Variants in ERAP2 observed in about 807,000 individuals in gnomAD.
ERAP2 encodes leukocyte-derived arginine aminopeptidase.
ERAP2 carries 118 observed loss-of-function variants against 111.1 expected under a neutral mutation model. That is an observed-to-expected ratio of 1.06 (90% CI 0.92 to 1.24). The LOEUF (loss-of-function observed/expected upper bound fraction) is 1.24, where lower values mean the gene tolerates loss of function less well. Among genes scored for constraint, ERAP2 ranks in the 50% most tolerant of loss-of-function variants. The pLI, the probability that ERAP2 is intolerant of heterozygous loss-of-function variation, is 0.00. For missense variants in ERAP2, 1,131 were observed against 1,125.8 expected, an observed-to-expected ratio of 1.00 and a Z score of -0.07; for synonymous variants, 410 against 401.2, an observed-to-expected ratio of 1.02 and a Z score of -0.26.
At chr5:96,898,829 A>T (rs3849749) in intron 9 of ERAP2, among the ~76,000 whole-genome samples, 94,812 of 152,000 alleles carry the variant, frequency 0.62, 29,722 homozygotes, top group Middle Eastern at 0.74. Context: ...GTCCAGACAC[A>T]CTTTCTCCAT....
chr5:96,905,585 A>G (rs1405688483), intron 13 of ERAP2, among the ~76,000 whole-genome samples: 2 of 152,164 alleles, frequency 1.3e-5, no homozygotes, highest in East Asian at 1.9e-4. Flanking sequence ...TGAAACTTCA[A>G]TTTAAGAATT....
rs770041153 is a variant in ERAP2, at chr5:96,913,312, T to G, written c.2517-5T>G. On this transcript the variant is annotated splice_polypyrimidine_tract_variant and splice_region_variant and intron_variant, in intron 16 of 18. Coordinates refer to ENST00000437043, the MANE Select transcript of ERAP2 (RefSeq NM_022350.5). The stretch of plus-strand genomic sequence containing the variant: ...TTTAGAAACAAATTATTTTTCTTTC[T>G]TCAGGTTAATTGAACTAGGAATGGA... The G allele has an allele frequency of 3.1e-6, 5 of 1,612,696 alleles. No individual in the cohort carries two copies. The highest frequency in any genetic ancestry group is 4.2e-6 in the Non-Finnish European group (5 of 1,179,122).
rs749294757 is a variant in ERAP2 at position 96,909,061 on chromosome 5, T to C, written c.2113T>C (p.Ser705Pro). The C allele has an allele frequency of 6.2e-7, 1 of 1,614,208 alleles. No homozygotes were observed. ...TCTCGAAGGTCTGAGTTACTTGGAA[T>C]CGTTTTACCACATGATGGACAGAAG... ...ALLEGLSYLESFYHMMDRRNI... is the reference protein window; with the variant it reads ...ALLEGLSYLEPFYHMMDRRNI... Residue 705 changes from serine to proline, a missense_variant, in exon 14 of 19, where the codon TCG becomes CCG. Ser to Pro is a moderately conservative substitution (Grantham distance 74). Around this residue, in one of 3 missense-constraint regions of ERAP2, gnomAD observed 847 missense variants for 856.5 expected, o/e 0.99. Transcript: ENST00000437043.
At chr5:96,895,924 G>A (rs1410556458) in intron 7 of ERAP2, among the ~76,000 whole-genome samples, 1 of 152,156 alleles carries the variant, frequency 6.6e-6, no homozygotes, top group East Asian at 1.9e-4. Flanking sequence ...GACAGACATG[G>A]ATTCAAAGTT....
intron 2 of ERAP2, 97 bp downstream of exon 2, chr5:96,880,357 A>G (rs1783003132): frequency 9.0e-7 from 1 of 1,107,460 alleles, no homozygotes; most frequent in African/African-American, 1.6e-5. Flanking sequence ...CATTTATGAG[A>G]AATCCAGTGA....
At chr5:96,882,850 T>C (rs1783293860) in intron 2 of ERAP2, among the ~76,000 whole-genome samples, 1 of 152,190 alleles carries the variant, frequency 6.6e-6, no homozygotes, top group Admixed American at 6.5e-5. Context: ...TTCTCTTTTT[T>C]CCCTCCTGAC....
intron 1 of ERAP2, among the ~76,000 whole-genome samples, chr5:96,879,146 G>A (rs1453640384): frequency 6.6e-6 from 1 of 152,112 alleles, no homozygotes; most frequent in Non-Finnish European, 1.5e-5. Context: ...TTGAGCCCAG[G>A]AAGTTGAGGC....
At chr5:96,905,181 A>T (rs542744318) in intron 13 of ERAP2, among the ~76,000 whole-genome samples, 1 of 152,328 alleles carries the variant, frequency 6.6e-6, no homozygotes, top group South Asian at 2.1e-4. Context: ...CATGAATAGG[A>T]GGAGGAGATG....
At chr5:96,889,391 TA>T in intron 5 of ERAP2, 86 bp downstream of exon 5, 1 of 1,439,904 alleles carries the variant, frequency 6.9e-7, no homozygotes, top group Non-Finnish European at 9.8e-7. Context: ...CTATGTGATT[TA>T]AATGAGCACT....
In ERAP2 at chr5:96,909,047, T is replaced by A; in HGVS notation, c.2099T>A (p.Leu700Gln). 1 of 1,614,180 alleles carries A rather than the reference T, an allele frequency of 6.2e-7. No individual in the cohort carries two copies. The highest frequency in any genetic ancestry group is 8.5e-7 in the Non-Finnish European group (1 of 1,179,990). The change falls in exon 14 of 19, where the codon CTG becomes CAG. Residue 700 changes from leucine (L) to glutamine (Q), a missense_variant. This residue lies in a region of ERAP2 where 847 missense variants were observed against 856.5 expected (regional missense o/e 0.99). Coordinates refer to ENST00000437043, the MANE Select transcript of ERAP2 (RefSeq NM_022350.5). ...AGCAGCCCCGCACTTCTCGAAGGTC[T>A]GAGTTACTTGGAATCGTTTTACCAC... is the stretch of plus-strand genomic sequence containing the variant. Reference protein sequence around the residue: ...ETSSPALLEGLSYLESFYHMM... With the variant: ...ETSSPALLEGQSYLESFYHMM...
intron 14 of ERAP2, 151 bp from the exon 15 acceptor site, chr5:96,909,429 C>A: frequency 1.5e-6 from 1 of 673,112 alleles, no homozygotes; most frequent in Non-Finnish European, 2.5e-6. Context: ...TGGGTAACAG[C>A]CAGAAAAAGA....
At chr5:96,896,965 T>TAAGTCATATGTTGG in intron 9 of ERAP2, 102 bp downstream of exon 9, 1 of 987,684 alleles carries the variant, frequency 1.0e-6, no homozygotes, top group Non-Finnish European at 1.4e-6. Context: ...GTCAACCATA[T>TAAGTCATATGTTGG]TTATTCTGCT....
intron 5 of ERAP2, among the ~76,000 whole-genome samples, chr5:96,890,682 A>G (rs1268415669): frequency 6.6e-6 from 1 of 152,200 alleles, no homozygotes; most frequent in Non-Finnish European, 1.5e-5. Flanking sequence ...ATAAATTAAA[A>G]GGGACCATCA....
At chr5:96,905,666 T>G (rs1203029945) in intron 13 of ERAP2, among the ~76,000 whole-genome samples, 1 of 152,082 alleles carries the variant, frequency 6.6e-6, no homozygotes, top group Non-Finnish European at 1.5e-5. Context: ...GGCAGATCAC[T>G]TGAAGCCAGG....
At chr5:96,899,435 A>G (rs142672030) in intron 9 of ERAP2, among the ~76,000 whole-genome samples, 2 of 152,378 alleles carry the variant, frequency 1.3e-5, no homozygotes, top group Non-Finnish European at 2.9e-5. Flanking sequence ...ACATGTCAAT[A>G]GCAACTTGAG....
In ERAP2 at chr5:96,880,008, T is replaced by C. The variant is rs2151113374; in HGVS notation, c.323T>C (p.Ile108Thr). Reference protein sequence around the residue: ...EVLVSNATQFIILHSKDLEIT... With the variant: ...EVLVSNATQFTILHSKDLEIT... Reference sequence around the variant, plus strand: ...TTGGTCAGCAATGCTACCCAGTTTATCATCTTGCACAGCAAAGATCTTGAA... The same window carrying C: ...TTGGTCAGCAATGCTACCCAGTTTACCATCTTGCACAGCAAAGATCTTGAA... The change falls in exon 2 of 19, where the codon ATC becomes ACC. Residue 108 changes from isoleucine to threonine, a missense_variant. Around this residue, in one of 3 missense-constraint regions of ERAP2, gnomAD observed 847 missense variants for 856.5 expected, o/e 0.99. Coordinates refer to ENST00000437043, the MANE Select transcript of ERAP2 (RefSeq NM_022350.5). The C allele has an allele frequency of 1.9e-6, 3 of 1,614,186 alleles. No individual in the cohort carries two copies. In the African/African-American group the frequency reaches 4.0e-5, roughly 22 times the overall value.
At chr5:96,887,096 TATATACACAC>T (rs1267848117) in intron 4 of ERAP2, among the ~76,000 whole-genome samples, 45 of 140,308 alleles carry the variant, frequency 3.2e-4, no homozygotes, top group African/African-American at 9.8e-4. Flanking sequence ...TATATATATA[TATATACACAC>T]ACACACACAC....
At chr5:96,888,646 A>G (rs990424492) in intron 4 of ERAP2, among the ~76,000 whole-genome samples, 14 of 152,214 alleles carry the variant, frequency 9.2e-5, no homozygotes, top group African/African-American at 3.1e-4. Flanking sequence ...AAGGCAAGAA[A>G]ATTTGAATCT....
intron 15 of ERAP2, among the ~76,000 whole-genome samples, chr5:96,910,658 A>T (rs1242581531): frequency 2.0e-5 from 3 of 152,214 alleles, no homozygotes; most frequent in Non-Finnish European, 2.9e-5. Flanking sequence ...ATAAGTGTTC[A>T]ACATGTTGAA....
Sources: allele counts gnomAD v4.1 joint callset (sites outside exome capture counted in the v4.1 genomes callset), GRCh38; gene constraint gnomAD v4.1.1; regional missense constraint gnomAD v4.1.1; transcripts MANE v1.5; gene names NCBI Gene and HGNC (gene_info 2026-07-23, HGNC 2026-07-21).